The following FAM78B variants were observed in gnomAD, a reference collection of about 807,000 sequenced individuals.
FAM78B encodes protein FAM78B.
Under a neutral mutation model 20.0 loss-of-function variants are expected in FAM78B, and 10 were observed. The observed-to-expected ratio is 0.50, with a 90% CI of 0.31 to 0.85. The LOEUF is 0.85. Ranked by LOEUF, FAM78B falls within the 40% of genes least tolerant of loss-of-function variation. The pLI, the probability that FAM78B is intolerant of heterozygous loss-of-function variation, is 0.05. For missense variants in FAM78B, 283 were observed against 345.0 expected (o/e 0.82, Z 1.42); for synonymous variants, 135 against 132.8 (o/e 1.02, Z -0.12).
intron 1 of FAM78B, among the ~76,000 whole-genome samples, chr1:166,104,154 C>T (rs1301925126): frequency 6.6e-6 from 1 of 152,142 alleles, no homozygotes; most frequent in Non-Finnish European, 1.5e-5. Context: ...AATTCAACAG[C>T]CCTTCATGCT....
At chr1:166,082,454 C>T (rs1232943932) in intron 1 of FAM78B, among the ~76,000 whole-genome samples, 1 of 152,198 alleles carries the variant, frequency 6.6e-6, no homozygotes, top group Non-Finnish European at 1.5e-5. Flanking sequence ...GATCTTCCTG[C>T]CTCAACCCCC....
At chr1:166,116,099 AG>A (rs1654241057) in intron 1 of FAM78B, among the ~76,000 whole-genome samples, 1 of 152,112 alleles carries the variant, frequency 6.6e-6, no homozygotes, top group East Asian at 1.9e-4. Flanking sequence ...TTGTAAAGCC[AG>A]GCTTCTTGGC....
rs146485640 is a variant in FAM78B at position 166,158,531 on chromosome 1, G to A, written c.263+7455C>T. ...CATGGAAAGCACCCTGCACAGTGCC[G>A]GGCACATAGACCTTTCACGTGTGTT... On this transcript the variant is annotated intron_variant, in intron 1 of 1. Transcript: ENST00000354422. Among the ~76,000 whole-genome samples, 216 of 152,192 alleles carry A rather than the reference G, an allele frequency of 1.4e-3. 1 individual carries two copies. The highest frequency in any genetic ancestry group is 4.8e-3 in the African/African-American group (200 of 41,484).
chr1:166,130,588 T>A (rs568514506), intron 1 of FAM78B, among the ~76,000 whole-genome samples: 2 of 152,158 alleles, frequency 1.3e-5, no homozygotes, highest in African/African-American at 4.8e-5. Context: ...GCTAACATCC[T>A]ACAATACAGA....
chr1:166,156,753 C>A (rs762163044), intron 1 of FAM78B, among the ~76,000 whole-genome samples: 1 of 152,112 alleles, frequency 6.6e-6, no homozygotes, highest in African/African-American at 2.4e-5. Context: ...AATTGCACAA[C>A]CTTCCTGAGC....
At chr1:166,146,724 G>A (rs1655471117) in intron 1 of FAM78B, among the ~76,000 whole-genome samples, 1 of 152,210 alleles carries the variant, frequency 6.6e-6, no homozygotes, top group Admixed American at 6.5e-5. Context: ...GATGTTAAAA[G>A]TAGACAAATC....
chr1:166,100,380 G>A (rs1404021481), intron 1 of FAM78B, among the ~76,000 whole-genome samples: 3 of 152,198 alleles, frequency 2.0e-5, no homozygotes, highest in Admixed American at 6.5e-5. Flanking sequence ...AGCATGAGCC[G>A]AAGCAGGGCA....
chr1:166,165,479 C>T (rs1656330735), intron 1 of FAM78B, among the ~76,000 whole-genome samples: 1 of 152,158 alleles, frequency 6.6e-6, no homozygotes, highest in Admixed American at 6.5e-5. Flanking sequence ...TCAACAGTCG[C>T]GAGGGCAAGG....
chr1:166,066,099 G>A (rs909092543), downstream of FAM78B, among the ~76,000 whole-genome samples: 1 of 152,204 alleles, frequency 6.6e-6, no homozygotes, highest in Non-Finnish European at 1.5e-5. Flanking sequence ...GCCATGTTGA[G>A]GGACGGCGGG....
intron 1 of FAM78B, among the ~76,000 whole-genome samples, chr1:166,156,704 T>C (rs999799266): frequency 2.0e-5 from 3 of 152,148 alleles, no homozygotes; most frequent in African/African-American, 7.2e-5. Flanking sequence ...TGGACACAAA[T>C]GATTTCAGGT....
At chr1:166,137,646 G>T (rs972303254) in intron 1 of FAM78B, among the ~76,000 whole-genome samples, 1 of 152,154 alleles carries the variant, frequency 6.6e-6, no homozygotes, top group African/African-American at 2.4e-5. Flanking sequence ...CTATCTCACA[G>T]AAATACTGAC....
intron 1 of FAM78B, among the ~76,000 whole-genome samples, chr1:166,106,202 G>A: frequency 8.9e-6 from 1 of 111,746 alleles, no homozygotes; most frequent in Admixed American, 1.3e-4. Context: ...ACCGGGGCCT[G>A]TTGTGGGGTG....
intron 1 of FAM78B, chr1:166,154,670 G>C: frequency 1.9e-6 from 1 of 517,104 alleles, no homozygotes; most frequent in South Asian, 1.5e-5. Context: ...AAAAAACAGG[G>C]GGAGGTGACC....
Position 166,156,232 on chromosome 1 carries a change from C to T in FAM78B, c.263+9754G>A, listed in dbSNP as rs182554393. ...TTAATAACAAAATGGCCTTATTTAT[C>T]TTGTTTTAATCTGACAGCCTGAAAA... On this transcript the variant is annotated intron_variant, in intron 1 of 1. Coordinates refer to ENST00000354422, the MANE Select transcript of FAM78B (RefSeq NM_001017961.5). Among the ~76,000 whole-genome samples, 3 of 152,340 alleles carry T rather than the reference C, an allele frequency of 2.0e-5. No homozygotes were observed. In the East Asian group the frequency reaches 5.8e-4, roughly 29 times the overall value.
chr1:166,071,658 C>G (rs886816055), intron 1 of FAM78B, among the ~76,000 whole-genome samples: 2 of 152,330 alleles, frequency 1.3e-5, no homozygotes, highest in Non-Finnish European at 2.9e-5. Context: ...ATTCAAAATA[C>G]TCCACAAGAT....
chr1:166,098,679 A>G (rs1653379334), intron 1 of FAM78B, among the ~76,000 whole-genome samples: 1 of 152,056 alleles, frequency 6.6e-6, no homozygotes, highest in South Asian at 2.1e-4. Flanking sequence ...AATTAACCCA[A>G]TCCAACAAAG....
intron 1 of FAM78B, among the ~76,000 whole-genome samples, chr1:166,073,206 T>C (rs1258810663): frequency 6.6e-6 from 1 of 152,192 alleles, no homozygotes; most frequent in Non-Finnish European, 1.5e-5. Context: ...TCTGGCCACA[T>C]GTAGTCATTG....
intron 1 of FAM78B, among the ~76,000 whole-genome samples, chr1:166,128,709 C>A (rs1654733242): frequency 6.6e-6 from 1 of 152,162 alleles, no homozygotes; most frequent in Non-Finnish European, 1.5e-5. Context: ...TGGGAGAGAA[C>A]ATGGCATTGA....
At chr1:166,158,250 A>G (rs902409916) in intron 1 of FAM78B, among the ~76,000 whole-genome samples, 2 of 152,192 alleles carry the variant, frequency 1.3e-5, no homozygotes, top group Non-Finnish European at 2.9e-5. Flanking sequence ...ACTTGGGCCC[A>G]GGGGATCCAG....
Sources: gnomAD v4.1 joint callset for allele counts (sites outside exome capture counted in the v4.1 genomes callset) on GRCh38, gnomAD v4.1.1 for gene constraint, MANE v1.5 for transcripts, NCBI Gene and HGNC (gene_info 2026-07-23, HGNC 2026-07-21) for gene names.